Variants in GRIN3A observed in about 807,000 individuals in gnomAD.
GRIN3A encodes the protein glutamate receptor ionotropic, NMDA 3A.
In GRIN3A, 47 loss-of-function variants were observed where a neutral mutation model predicts 92.4. The observed-to-expected ratio is 0.51, with a 90% CI of 0.40 to 0.65. GRIN3A has a LOEUF of 0.65. GRIN3A is among the 30% of genes least tolerant of loss of function. The pLI, the probability that GRIN3A is intolerant of heterozygous loss-of-function variation, is 0.00. For missense variants in GRIN3A, 1,324 were observed against 1,393.1 expected (o/e 0.95, Z 0.79); for synonymous variants, 527 against 540.6 (o/e 0.97, Z 0.35).
intron 2 of GRIN3A, among the ~76,000 whole-genome samples, chr9:101,676,370 T>C (rs1829394748): frequency 6.6e-6 from 1 of 151,964 alleles, no homozygotes; most frequent in Non-Finnish European, 1.5e-5. Context: ...ATCTATTTTG[T>C]ACTACAAGGC....
chr9:101,623,554 C>T, intron 4 of GRIN3A, 121 bp from the exon 5 acceptor site: 1 of 726,620 alleles, frequency 1.4e-6, no homozygotes, highest in Non-Finnish European at 2.5e-6. Flanking sequence ...GCACAAGCTA[C>T]CTAGGTGCTG....
At chr9:101,608,119 C>G (rs1828310510) in intron 6 of GRIN3A, among the ~76,000 whole-genome samples, 1 of 152,188 alleles carries the variant, frequency 6.6e-6, no homozygotes, top group South Asian at 2.1e-4. Context: ...ATACACCATA[C>G]AGCCGACCAC....
At chr9:101,608,091 C>T (rs1828310186) in intron 6 of GRIN3A, among the ~76,000 whole-genome samples, 1 of 152,216 alleles carries the variant, frequency 6.6e-6, no homozygotes, top group Admixed American at 6.5e-5. Flanking sequence ...AAAATAGTTT[C>T]CTGTTCCATA....
intron 1 of GRIN3A, among the ~76,000 whole-genome samples, chr9:101,722,807 G>C (rs541324827): frequency 4.6e-5 from 7 of 152,256 alleles, no homozygotes; most frequent in African/African-American, 1.7e-4. Context: ...GAAGTAACTA[G>C]CTTGCTTTTG....
chr9:101,586,896 C>G (rs749064454), intron 6 of GRIN3A, among the ~76,000 whole-genome samples: 3 of 152,186 alleles, frequency 2.0e-5, no homozygotes, highest in Non-Finnish European at 4.4e-5. Flanking sequence ...ACATAGTCCC[C>G]TAGTTCCTGC....
intron 2 of GRIN3A, among the ~76,000 whole-genome samples, chr9:101,683,963 C>G (rs918178531): frequency 6.6e-5 from 10 of 152,090 alleles, no homozygotes; most frequent in African/African-American, 2.2e-4. Flanking sequence ...TATCTACCAT[C>G]TATCCATTTC....
In GRIN3A at chr9:101,573,422, C is replaced by T; in HGVS notation, c.3100G>A (p.Gly1034Arg). Residue 1034 changes from glycine to arginine, a missense_variant, in exon 9 of 9, where the codon GGA (glycine) becomes AGA (arginine). Gly to Arg is a moderately radical substitution (Grantham distance 125, BLOSUM62 -2). Transcript: ENST00000361820. ...ATCCGGATGCCCAGCTGGTTTTGTC[C>T]TTCCTCATCACTAAAGATGTATTTC... ...RRKYIFSDEE[G>R]QNQLGIRIHQ... 3 of 1,614,062 alleles carry T rather than the reference C, an allele frequency of 1.9e-6. No homozygotes were observed. The highest frequency in any genetic ancestry group is 2.5e-6 in the Non-Finnish European group (3 of 1,179,968).
At chr9:101,721,615 A>G (rs1830013923) in intron 1 of GRIN3A, among the ~76,000 whole-genome samples, 1 of 152,156 alleles carries the variant, frequency 6.6e-6, no homozygotes, top group Admixed American at 6.5e-5. Flanking sequence ...TTTTATAGTG[A>G]TATGAACAAT....
chr9:101,616,109 A>G (rs975037991), intron 5 of GRIN3A, among the ~76,000 whole-genome samples: 29 of 152,174 alleles, frequency 1.9e-4, no homozygotes, highest in African/African-American at 6.0e-4. Flanking sequence ...CATGGTGCCT[A>G]TTTACTCAGG....
chr9:101,625,509 T>G (rs1473801646), intron 4 of GRIN3A, among the ~76,000 whole-genome samples: 1 of 152,230 alleles, frequency 6.6e-6, no homozygotes, highest in South Asian at 2.1e-4. Flanking sequence ...AGCTTCCCTT[T>G]TTGGTACCAA....
At chr9:101,737,222 G>T (rs899543995) in intron 1 of GRIN3A, 59 bp downstream of exon 1, 20 of 1,417,274 alleles carry the variant, frequency 1.4e-5, no homozygotes, top group Non-Finnish European at 2.0e-5. Context: ...CTCCCCTCAT[G>T]CAATGGCCCC....
chr9:101,631,741 CA>C (rs1391040455), intron 3 of GRIN3A, among the ~76,000 whole-genome samples: 5 of 152,268 alleles, frequency 3.3e-5, no homozygotes, highest in Admixed American at 1.3e-4. Context: ...AAAGTTCCTT[CA>C]AGGATTAGCA....
intron 1 of GRIN3A, among the ~76,000 whole-genome samples, chr9:101,709,644 T>C (rs538298656): frequency 1.3e-5 from 2 of 152,384 alleles, no homozygotes; most frequent in East Asian, 1.9e-4. Context: ...TTTGTTCATT[T>C]GTAATTTGGG....
chr9:101,623,592 G>A (rs1014627147), intron 4 of GRIN3A, among the ~76,000 whole-genome samples, 159 bp from the exon 5 acceptor site: 2 of 152,200 alleles, frequency 1.3e-5, no homozygotes, highest in African/African-American at 2.4e-5. Flanking sequence ...TCTCACTGAT[G>A]TCTAGACTAC....
chr9:101,577,852 A>C lies in GRIN3A; in HGVS notation c.2932-8T>G. On this transcript the variant is annotated splice_polypyrimidine_tract_variant and splice_region_variant and intron_variant, in intron 7 of 8. Transcript: ENST00000361820. ...TATTGCTCTGTGTAATCTCTGATGGAGAAAACAGATTCACAGGTAGAAATT... is the reference window on the plus strand; with the variant it reads ...TATTGCTCTGTGTAATCTCTGATGGCGAAAACAGATTCACAGGTAGAAATT... 1 of 1,600,970 alleles carries C rather than the reference A, an allele frequency of 6.2e-7. No homozygotes were observed. Among genetic ancestry groups the C allele is most frequent in the East Asian group, 2.2e-5 (1 of 44,760 alleles).
At chr9:101,598,021 A>G (rs1158699335) in intron 6 of GRIN3A, among the ~76,000 whole-genome samples, 1 of 152,200 alleles carries the variant, frequency 6.6e-6, no homozygotes, top group Non-Finnish European at 1.5e-5. Flanking sequence ...TCTCTGTGAG[A>G]TCAGTATGTG....
rs1827773164 is a variant in GRIN3A, at chr9:101,572,457, A to G, written c.*717T>C. 2 of 152,896 alleles carry G rather than the reference A, an allele frequency of 1.3e-5. No homozygotes were observed. Among genetic ancestry groups the G allele is most frequent in the African/African-American group, 4.8e-5 (2 of 41,456 alleles). 9.5% of individuals were successfully genotyped at this position (152,896 alleles called of 1,614,324 possible). ...AGAGCTTTTGTTCTGAAAGCATGGTATGCATTTTTAATGCCTCTGCTGCCT... is the reference window on the plus strand; with the variant it reads ...AGAGCTTTTGTTCTGAAAGCATGGTGTGCATTTTTAATGCCTCTGCTGCCT... On this transcript the variant is annotated 3_prime_UTR_variant, in exon 9 of 9. Transcript: ENST00000361820.
chr9:101,670,591 T>C lies in GRIN3A; in HGVS notation c.1821A>G (p.Ala607=), dbSNP rs942142. The C allele has an allele frequency of 4.3e-6, 7 of 1,613,700 alleles. No homozygotes were observed. The highest frequency in any genetic ancestry group is 1.1e-5 in the South Asian group (1 of 91,078). The change falls in exon 3 of 9, where the codon GCA becomes GCG. Residue 607 remains alanine, a synonymous_variant. Transcript: ENST00000361820. Reference sequence around the variant, plus strand: ...GCCCAGTCCAGTGCCCATTTTTCCATGCTCCATACTTTCCATCCCCTACAA... The same window carrying C: ...GCCCAGTCCAGTGCCCATTTTTCCACGCTCCATACTTTCCATCCCCTACAA... ...LYIVGDGKYG[A]WKNGHWTGLV...
chr9:101,673,221 A>C (rs2224767), intron 2 of GRIN3A, among the ~76,000 whole-genome samples: 20,261 of 152,116 alleles, frequency 0.13, 1,977 homozygotes, highest in African/African-American at 0.28. Flanking sequence ...ACCATATCAG[A>C]AAAAGGCACT....
Sources: allele counts gnomAD v4.1 joint callset (sites outside exome capture counted in the v4.1 genomes callset), GRCh38; gene constraint gnomAD v4.1.1; transcripts MANE v1.5; gene names NCBI Gene and HGNC (gene_info 2026-07-23, HGNC 2026-07-21).